Variants in FAM222B observed in about 807,000 individuals in gnomAD.
FAM222B encodes family with sequence similarity 222 member B.
FAM222B carries 12 observed loss-of-function variants against 38.0 expected under a neutral mutation model. The observed-to-expected ratio is 0.32, with a 90% confidence interval of 0.20 to 0.51. The LOEUF (loss-of-function observed/expected upper bound fraction) is 0.51. Ranked by LOEUF, FAM222B falls within the 20% of genes least tolerant of loss-of-function variation. The probability of loss-of-function intolerance (pLI) is 0.97; values close to 1 mark genes in which losing one functional copy is unlikely to be tolerated. For synonymous variants in FAM222B, 329 were observed against 317.2 expected (o/e 1.04, Z -0.40); for missense variants, 716 against 754.2 (o/e 0.95, Z 0.59).
At chr17:28,819,692 C>T (rs539894859) in intron 1 of FAM222B, among the ~76,000 whole-genome samples, 1 of 152,200 alleles carries the variant, frequency 6.6e-6, no homozygotes, top group South Asian at 2.1e-4. Context: ...TAAAATGAAC[C>T]TTTGCCTATG....
chr17:28,838,307 G>A (rs563127177), intron 1 of FAM222B, among the ~76,000 whole-genome samples: 197 of 150,794 alleles, frequency 1.3e-3, no homozygotes, highest in South Asian at 1.5e-3. Context: ...TAGGCCGGGC[G>A]CGGTGGCTCA....
At chr17:28,771,830 G>A (rs1399716969) in intron 1 of FAM222B, among the ~76,000 whole-genome samples, 7 of 152,068 alleles carry the variant, frequency 4.6e-5, no homozygotes, top group African/African-American at 1.2e-4. Context: ...CGAGGTGGGC[G>A]GATCACGAGG....
intron 1 of FAM222B, among the ~76,000 whole-genome samples, chr17:28,832,927 T>C (rs1214447309): frequency 6.7e-6 from 1 of 149,934 alleles, no homozygotes; most frequent in Non-Finnish European, 1.5e-5. Context: ...TCCTAGCACT[T>C]TGGGAGGCTG....
intron 1 of FAM222B, among the ~76,000 whole-genome samples, chr17:28,783,137 C>CA (rs74267063): frequency 0.037 from 2,065 of 55,864 alleles, 34 homozygotes; most frequent in East Asian, 0.2. Context: ...GACCCTGTCT[C>CA]AAAAAAAAAA....
At chr17:28,766,473 A>AAAT in intron 2 of FAM222B, 113 bp downstream of exon 2, 2 of 784,686 alleles carry the variant, frequency 2.5e-6, no homozygotes, top group Non-Finnish European at 4.0e-6. Flanking sequence ...AAAAAAAAAA[A>AAAT]GAAAGGTGTC....
chr17:28,791,350 A>C (rs1002486317), intron 1 of FAM222B, among the ~76,000 whole-genome samples: 1 of 152,098 alleles, frequency 6.6e-6, no homozygotes, highest in African/African-American at 2.4e-5. Flanking sequence ...TGAGTGTGCC[A>C]CTGGGGTTCT....
At chr17:28,796,798 C>T (rs4795461) in intron 1 of FAM222B, among the ~76,000 whole-genome samples, 137,237 of 152,042 alleles carry the variant, frequency 0.9, 62,150 homozygotes, top group African/African-American at 0.98. Flanking sequence ...ATGGTATTTG[C>T]AAAGTGGTTA....
chr17:28,841,834 A>T (rs1022518120), intron 1 of FAM222B, among the ~76,000 whole-genome samples: 1 of 152,162 alleles, frequency 6.6e-6, no homozygotes, highest in Admixed American at 6.6e-5. Context: ...TTTCCTACAG[A>T]AGTCTGATGG....
intron 1 of FAM222B, chr17:28,776,906 A>T (rs1257020944): frequency 6.6e-6 from 1 of 152,142 alleles, no homozygotes; most frequent in Non-Finnish European, 1.5e-5. Context: ...AGACTTCAAA[A>T]ATTACAAGTT....
intron 1 of FAM222B, among the ~76,000 whole-genome samples, chr17:28,819,740 T>G (rs959650958): frequency 3.3e-5 from 5 of 152,144 alleles, no homozygotes; most frequent in Admixed American, 6.6e-5. Flanking sequence ...AAGCCTAGAA[T>G]GAACAAAGCT....
At chr17:28,804,427 C>T (rs1229082241) in intron 1 of FAM222B, among the ~76,000 whole-genome samples, 1 of 152,052 alleles carries the variant, frequency 6.6e-6, no homozygotes, top group East Asian at 1.9e-4. Flanking sequence ...CTCCACCTCT[C>T]GGGTTCAAGC....
chr17:28,834,550 T>C (rs1371563492), intron 1 of FAM222B, among the ~76,000 whole-genome samples: 2 of 152,126 alleles, frequency 1.3e-5, no homozygotes, highest in African/African-American at 2.4e-5. Context: ...TCAGCCAAAT[T>C]GTATTCCTCC....
At chr17:28,854,037 A>G (rs943737182) in intron 1 of FAM222B, among the ~76,000 whole-genome samples, 33 of 141,990 alleles carry the variant, frequency 2.3e-4, no homozygotes, top group Admixed American at 3.1e-4. Flanking sequence ...TCCGCCTCCC[A>G]GGTTCACGCC....
intron 1 of FAM222B, among the ~76,000 whole-genome samples, chr17:28,820,660 G>C (rs1411589119): frequency 1.3e-5 from 2 of 149,632 alleles, no homozygotes; most frequent in Non-Finnish European, 3.0e-5. Context: ...TTGAGGCGAA[G>C]TCTCGCTCTG....
intron 1 of FAM222B, among the ~76,000 whole-genome samples, chr17:28,835,476 T>C (rs1445205873): frequency 6.6e-6 from 1 of 152,174 alleles, no homozygotes; most frequent in East Asian, 1.9e-4. Flanking sequence ...ATTTTTTCAA[T>C]GAGGCCACAG....
chr17:28,769,460 C>T (rs1257488658), intron 1 of FAM222B, among the ~76,000 whole-genome samples: 6 of 152,016 alleles, frequency 3.9e-5, no homozygotes, highest in Non-Finnish European at 7.4e-5. Context: ...GGATTACAGG[C>T]GTAAGCCACC....
chr17:28,814,901 G>A (rs566149220), intron 1 of FAM222B, among the ~76,000 whole-genome samples: 9 of 150,976 alleles, frequency 6.0e-5, no homozygotes, highest in Non-Finnish European at 1.3e-4. Context: ...AGCTTCCCGA[G>A]TAGCTGGGAT....
chr17:28,818,483 G>A (rs949436561), intron 1 of FAM222B, among the ~76,000 whole-genome samples: 3 of 150,980 alleles, frequency 2.0e-5, no homozygotes, highest in Non-Finnish European at 4.4e-5. Context: ...AGCCGAGATC[G>A]CGCCACTGCA....
At chr17:28,786,893 T>A (rs1217755330) in intron 1 of FAM222B, among the ~76,000 whole-genome samples, 1 of 118,052 alleles carries the variant, frequency 8.5e-6, no homozygotes, top group Non-Finnish European at 1.8e-5. Flanking sequence ...CCCTTCACTG[T>A]ATTTTTTTTT....
Sources: gnomAD v4.1 joint callset for allele counts (sites outside exome capture counted in the v4.1 genomes callset) on GRCh38, gnomAD v4.1.1 for gene constraint, MANE v1.5 for transcripts, NCBI Gene and HGNC (gene_info 2026-07-23, HGNC 2026-07-21) for gene names.